The following CCDC57 variants were observed in gnomAD, a reference collection of about 807,000 sequenced individuals.
CCDC57 encodes coiled-coil domain containing 57.
A neutral mutation model predicts 118.9 loss-of-function variants in CCDC57; 118 were observed. That is an observed-to-expected ratio of 0.99 (90% CI 0.86 to 1.16). The LOEUF is 1.16. CCDC57 is among the 50% of genes most tolerant of loss of function. CCDC57 has a pLI of 0.00. For missense variants in CCDC57, 1,300 were observed against 1,320.7 expected, an observed-to-expected ratio of 0.98 and a Z score of 0.24; for synonymous variants, 527 against 532.9, an observed-to-expected ratio of 0.99 and a Z score of 0.15.
chr17:82,148,771 G>A (rs1271877740), intron 16 of CCDC57, among the ~76,000 whole-genome samples: 1 of 74,650 alleles, frequency 1.3e-5, no homozygotes, highest in African/African-American at 5.1e-5. Context: ...TGGATGGATG[G>A]AAAGATAGGT....
intron 11 of CCDC57, among the ~76,000 whole-genome samples, chr17:82,176,983 C>T (rs964525547): frequency 3.9e-5 from 6 of 151,912 alleles, no homozygotes; most frequent in African/African-American, 7.2e-5. Flanking sequence ...TGGTGGCTCA[C>T]GCCTGTAATC....
At chr17:82,149,243 G>GGGTA (rs2041506156) in intron 16 of CCDC57, among the ~76,000 whole-genome samples, 1 of 124,804 alleles carries the variant, frequency 8.0e-6, no homozygotes, top group African/African-American at 2.9e-5. Context: ...ATGGGTAGAT[G>GGGTA]GATGGATGGA....
intron 19 of CCDC57, chr17:82,107,687 A>G (rs1037543163): frequency 2.2e-6 from 1 of 445,174 alleles, no homozygotes; most frequent in East Asian, 7.1e-5. Flanking sequence ...CAACAGCTGC[A>G]CTGCCCGCTC....
chr17:82,132,454 T>C (rs899225427), intron 17 of CCDC57, among the ~76,000 whole-genome samples: 4 of 152,130 alleles, frequency 2.6e-5, no homozygotes, highest in Non-Finnish European at 5.9e-5. Context: ...GCAGTGGGAA[T>C]TCGGGACTGG....
intron 19 of CCDC57, among the ~76,000 whole-genome samples, chr17:82,111,471 C>T (rs1463060759): frequency 6.6e-6 from 1 of 150,644 alleles, no homozygotes; most frequent in African/African-American, 2.4e-5. Context: ...TTCAACCTCC[C>T]GGGCTCAAAC....
At chr17:82,194,210 T>C in intron 5 of CCDC57, 71 bp from the exon 5 acceptor site, 2 of 1,479,172 alleles carry the variant, frequency 1.4e-6, no homozygotes, top group Non-Finnish European at 9.2e-7. Context: ...GGGTACATAC[T>C]GCTGTTTTAT....
intron 13 of CCDC57, 21 bp from the exon 13 acceptor site, chr17:82,163,378 T>C (rs751139842): frequency 9.3e-6 from 15 of 1,612,494 alleles, no homozygotes; most frequent in Admixed American, 6.7e-5. Flanking sequence ...GAGTGGCTTC[T>C]GTCAGCTCAT....
intron 13 of CCDC57, among the ~76,000 whole-genome samples, chr17:82,165,378 G>T (rs914019210): frequency 6.6e-6 from 1 of 152,078 alleles, no homozygotes; most frequent in African/African-American, 2.4e-5. Context: ...AGAAATGAAG[G>T]CTGAGTGTCT....
chr17:82,111,683 T>C (rs915981154), intron 19 of CCDC57, among the ~76,000 whole-genome samples: 11 of 152,146 alleles, frequency 7.2e-5, no homozygotes, highest in African/African-American at 2.7e-4. Flanking sequence ...CTCGGCTCAC[T>C]GCAACCTCTA....
intron 2 of CCDC57, among the ~76,000 whole-genome samples, chr17:82,206,438 A>T (rs141259099): frequency 1.2e-3 from 181 of 152,254 alleles, no homozygotes; most frequent in East Asian, 4.4e-3. Context: ...ATTGTAGGTC[A>T]TAAGATCCTC....
intron 16 of CCDC57, among the ~76,000 whole-genome samples, chr17:82,142,449 A>G (rs1207785476): frequency 6.6e-6 from 1 of 152,082 alleles, no homozygotes; most frequent in African/African-American, 2.4e-5. Flanking sequence ...AGTAGCTGGG[A>G]CTATAGGCGC....
chr17:82,119,862 G>C (rs2036435090), intron 19 of CCDC57, among the ~76,000 whole-genome samples: 1 of 152,134 alleles, frequency 6.6e-6, no homozygotes, highest in South Asian at 2.1e-4. Context: ...GCTTGGAGGT[G>C]GGTCCTCCAA....
intron 16 of CCDC57, among the ~76,000 whole-genome samples, chr17:82,149,810 G>A (rs1170110512): frequency 6.8e-6 from 1 of 147,534 alleles, no homozygotes; most frequent in Non-Finnish European, 1.5e-5. Context: ...CCCGGAACCT[G>A]ACCCACACCC....
At chr17:82,132,597 T>G (rs1270970294) in intron 17 of CCDC57, among the ~76,000 whole-genome samples, 1 of 152,088 alleles carries the variant, frequency 6.6e-6, no homozygotes, top group Admixed American at 6.6e-5. Context: ...TTCTTTGTTT[T>G]TTGGTAGAGA....
rs1281624472 is a variant in CCDC57, at chr17:82,145,009, CTTTTCTTTTTTT to C, written c.2455+6539_2455+6550del. ...TTGGCCCTCCAAATCAATTTTATTT[CTTTTCTTTTTTT>C]TTTTCTTTTTTTTTTTTTTGAGACA... On this transcript the variant is annotated intron_variant, in intron 16 of 19. Coordinates refer to ENST00000665763, the Ensembl canonical transcript of CCDC57. 4.3e-5 allele frequency among the ~76,000 whole-genome samples: 6 copies of C among 140,618 alleles called. No individual in the cohort carries two copies. In the South Asian group the frequency reaches 9.3e-4, roughly 22 times the overall value. 92.3% of individuals were successfully genotyped at this position (140,618 alleles called of 152,430 possible).
intron 16 of CCDC57, among the ~76,000 whole-genome samples, chr17:82,142,627 TAA>T (rs2040168803): frequency 1.3e-5 from 2 of 152,156 alleles, no homozygotes; most frequent in Non-Finnish European, 2.9e-5. Flanking sequence ...CTGAAATTTA[TAA>T]AACATGATGG....
chr17:82,160,545 A>C (rs1200481570), intron 14 of CCDC57: 1 of 153,874 alleles, frequency 6.5e-6, no homozygotes, highest in African/African-American at 2.4e-5. Flanking sequence ...CAGACAGGCC[A>C]GGTGCAGTGG....
At chr17:82,119,343 C>T (rs1044582951) in intron 19 of CCDC57, among the ~76,000 whole-genome samples, 2 of 151,618 alleles carry the variant, frequency 1.3e-5, no homozygotes, top group African/African-American at 2.4e-5. Flanking sequence ...TTTGTAGACT[C>T]GGGGCCTCCC....
intron 4 of CCDC57, 87 bp from the exon 4 acceptor site, chr17:82,195,451 GA>G: frequency 1.0e-6 from 1 of 991,058 alleles, no homozygotes; most frequent in Non-Finnish European, 1.6e-6. Context: ...ATCCAGAGGT[GA>G]GCAGGACACA....
Sources: allele counts gnomAD v4.1 joint callset (sites outside exome capture counted in the v4.1 genomes callset), GRCh38; gene constraint gnomAD v4.1.1; transcripts MANE v1.5; gene names NCBI Gene and HGNC (gene_info 2026-07-23, HGNC 2026-07-21).